The following GNAQ variants were observed in gnomAD, a reference collection of about 807,000 sequenced individuals.
GNAQ encodes G protein subunit alpha q.
Under a neutral mutation model 43.9 loss-of-function variants are expected in GNAQ, and 8 were observed. That is an observed-to-expected ratio of 0.18 (90% CI 0.11 to 0.33). The LOEUF is 0.33. Among genes scored for constraint, GNAQ ranks in the 10% least tolerant of loss-of-function variants. The probability of loss-of-function intolerance (pLI) is 1.00; values close to 1 mark genes in which losing one functional copy is unlikely to be tolerated. For synonymous variants in GNAQ, 155 were observed against 170.7 expected (o/e 0.91, Z 0.71); for missense variants, 158 against 450.8 (o/e 0.35, Z 5.88).
intron 2 of GNAQ, among the ~76,000 whole-genome samples, chr9:77,872,985 G>C (rs1054505646): frequency 2.8e-4 from 43 of 152,324 alleles, no homozygotes; most frequent in African/African-American, 9.9e-4. Context: ...TAGGTCATGA[G>C]AATGTTCCCA....
chr9:78,030,987 AGGGGCGAACCGCGGGCGCC>A, intron 1 of GNAQ, 94 bp downstream of exon 1: 2 of 673,826 alleles, frequency 3.0e-6, no homozygotes, highest in Non-Finnish European at 4.1e-6. Context: ...CCGGGAGGGT[AGGGGCGAACCGCGGGCGCC>A]GGGGGGCGGG....
intron 3 of GNAQ, among the ~76,000 whole-genome samples, chr9:77,808,865 T>TAA (rs531696724): frequency 4.0e-5 from 6 of 150,350 alleles, no homozygotes; most frequent in East Asian, 3.9e-4. Context: ...GGCTTAAACT[T>TAA]AAAAAAAACA....
chr9:77,844,751 C>A (rs1827551444), intron 2 of GNAQ, among the ~76,000 whole-genome samples: 1 of 152,100 alleles, frequency 6.6e-6, no homozygotes, highest in Non-Finnish European at 1.5e-5. Flanking sequence ...CGGCTTACTG[C>A]AACCTCTACC....
intron 1 of GNAQ, among the ~76,000 whole-genome samples, chr9:77,982,835 T>C (rs913517025): frequency 8.0e-5 from 12 of 150,838 alleles, no homozygotes; most frequent in South Asian, 2.1e-4. Flanking sequence ...ATGGGAGATA[T>C]ACCTAATGTA....
chr9:77,895,676 GT>G (rs1828488669), intron 2 of GNAQ, among the ~76,000 whole-genome samples: 1 of 152,154 alleles, frequency 6.6e-6, no homozygotes, highest in Non-Finnish European at 1.5e-5. Flanking sequence ...TCCTGATACA[GT>G]TTGGCTCGGT....
At chr9:77,724,539 G>A (rs1361220989) in intron 6 of GNAQ, among the ~76,000 whole-genome samples, 2 of 152,082 alleles carry the variant, frequency 1.3e-5, no homozygotes, top group East Asian at 3.9e-4. Flanking sequence ...TACTAGTAGG[G>A]ATAAAGAGAT....
intron 2 of GNAQ, among the ~76,000 whole-genome samples, chr9:77,896,843 T>G (rs1234021004): frequency 6.6e-6 from 1 of 152,252 alleles, no homozygotes; most frequent in East Asian, 1.9e-4. Flanking sequence ...CAGAACATAG[T>G]GGATCTGGCT....
rs1824058373 is a variant in GNAQ, at chr9:78,031,395, CGGCCAG to C, written c.-166_-161del. On this transcript the variant is annotated 5_prime_UTR_variant, in exon 1 of 7. Transcript: ENST00000286548. ...GCTCCGGGAACCGCCGCGGGGGCGG[CGGCCAG>C]GGCCGGGGCCACCAGGTGGGCCGGG... 3.3e-6 allele frequency: 1 copy of C among 301,546 alleles called. No homozygotes were observed. The highest frequency in any genetic ancestry group is 5.6e-6 in the Non-Finnish European group (1 of 177,522). The allele number at this position is 301,546 out of a possible 1,614,324, so 18.7% of individuals were successfully genotyped here.
rs1329502402 is a variant in GNAQ, at chr9:78,014,563, G to A, written c.136+16537C>T. 2.6e-5 allele frequency among the ~76,000 whole-genome samples: 4 copies of A among 151,996 alleles called. No individual in the cohort carries two copies. In the East Asian group the frequency reaches 5.8e-4, roughly 22 times the overall value. On this transcript the variant is annotated intron_variant, in intron 1 of 6. Coordinates refer to ENST00000286548, the MANE Select transcript of GNAQ (RefSeq NM_002072.5). Reference sequence around the variant, plus strand: ...AGAGGTTGCTGTGAGCCGAGATAGCGCCACTGCACTCCAGCCTGGGTGACA... The same window carrying A: ...AGAGGTTGCTGTGAGCCGAGATAGCACCACTGCACTCCAGCCTGGGTGACA...
At chr9:77,914,855 T>C (rs1412691964) in intron 2 of GNAQ, among the ~76,000 whole-genome samples, 2 of 143,672 alleles carry the variant, frequency 1.4e-5, no homozygotes, top group Admixed American at 6.9e-5. Context: ...AAAATCAACA[T>C]AGATGTAATC....
At chr9:77,987,300 C>T (rs1653062495) in intron 1 of GNAQ, among the ~76,000 whole-genome samples, 1 of 151,952 alleles carries the variant, frequency 6.6e-6, no homozygotes, top group South Asian at 2.1e-4. Context: ...CCTCTGGGTG[C>T]TTGCTTTCAA....
chr9:77,759,828 C>T (rs1050951795), intron 5 of GNAQ, among the ~76,000 whole-genome samples: 6 of 152,186 alleles, frequency 3.9e-5, no homozygotes, highest in Admixed American at 1.3e-4. Flanking sequence ...TCTATTAAAT[C>T]ACTGGAGTAG....
intron 2 of GNAQ, among the ~76,000 whole-genome samples, chr9:77,842,042 C>G (rs79336795): frequency 0.016 from 2,413 of 152,252 alleles, 57 homozygotes; most frequent in African/African-American, 0.055. Flanking sequence ...TAGTTAATAA[C>G]TATGTGACCT....
intron 1 of GNAQ, among the ~76,000 whole-genome samples, chr9:77,928,949 C>A (rs1011968799): frequency 5.9e-5 from 9 of 152,066 alleles, no homozygotes; most frequent in Admixed American, 5.2e-4. Flanking sequence ...ACCAGGGAGG[C>A]GGACATCACA....
At chr9:77,936,918 A>G (rs1829240835) in intron 1 of GNAQ, among the ~76,000 whole-genome samples, 1 of 152,180 alleles carries the variant, frequency 6.6e-6, no homozygotes, top group Non-Finnish European at 1.5e-5. Context: ...TCCACAAACT[A>G]GAGTTGAGAA....
chr9:77,726,064 G>A (rs1825393406), intron 6 of GNAQ, among the ~76,000 whole-genome samples: 2 of 152,152 alleles, frequency 1.3e-5, no homozygotes, highest in African/African-American at 4.8e-5. Flanking sequence ...TAAGCCAGAT[G>A]TTTCATGCCT....
chr9:77,853,354 G>T (rs753884609), intron 2 of GNAQ, among the ~76,000 whole-genome samples: 6 of 152,128 alleles, frequency 3.9e-5, no homozygotes, highest in South Asian at 2.1e-4. Flanking sequence ...TACATGAAAT[G>T]ATGTATATAA....
Position 77,990,840 on chromosome 9 carries a change from AAGG to A in GNAQ, c.136+40257_136+40259del, listed in dbSNP as rs1182677181. ...TAGCAATTTCTCCCTCTCAGCAAAC[AAGG>A]AGATGTTTATTTGCCTGCCCTCTCA... On this transcript the variant is annotated intron_variant, in intron 1 of 6. Transcript: ENST00000286548. Among the ~76,000 whole-genome samples the A allele has an allele frequency of 3.3e-5, 5 of 152,316 alleles. No individual in the cohort carries two copies. In the East Asian group the frequency reaches 5.8e-4, roughly 18 times the overall value.
At chr9:77,966,930 C>G (rs1587435880) in intron 1 of GNAQ, among the ~76,000 whole-genome samples, 1 of 152,182 alleles carries the variant, frequency 6.6e-6, no homozygotes, top group East Asian at 1.9e-4. Flanking sequence ...AACATCAATT[C>G]CTGCCCCAGG....
Sources: allele counts gnomAD v4.1 joint callset (sites outside exome capture counted in the v4.1 genomes callset), GRCh38; gene constraint gnomAD v4.1.1; transcripts MANE v1.5; gene names NCBI Gene and HGNC (gene_info 2026-07-23, HGNC 2026-07-21).